Variants in KYAT1 observed in about 807,000 individuals in gnomAD.
The protein encoded by KYAT1 is kynurenine aminotransferase 1.
KYAT1 carries 47 observed loss-of-function variants against 52.4 expected under a neutral mutation model. That is an observed-to-expected ratio of 0.90 (90% CI 0.71 to 1.14). KYAT1 has a LOEUF of 1.14. Among genes scored for constraint, KYAT1 ranks in the 50% most tolerant of loss-of-function variants. KYAT1 has a pLI of 0.00. For missense variants in KYAT1, 480 were observed against 557.9 expected, an observed-to-expected ratio of 0.86 and a Z score of 1.41; for synonymous variants, 212 against 209.6, an observed-to-expected ratio of 1.01 and a Z score of -0.10.
chr9:128,851,421 T>G (rs1833942731), intron 1 of KYAT1, among the ~76,000 whole-genome samples: 1 of 152,200 alleles, frequency 6.6e-6, no homozygotes, highest in African/African-American at 2.4e-5. Flanking sequence ...TTATCTCAGC[T>G]TCATTAAAAT....
At chr9:128,846,790 G>A (rs1833173579) in intron 1 of KYAT1, 1 of 1,535,546 alleles carries the variant, frequency 6.5e-7, no homozygotes, top group East Asian at 2.4e-5. Flanking sequence ...TTCCGTTCCT[G>A]TGGGTTTGCC....
At chr9:128,836,772 G>A (rs1831200852) in intron 7 of KYAT1, 30 bp downstream of exon 7, 1 of 1,607,844 alleles carries the variant, frequency 6.2e-7, no homozygotes, top group Non-Finnish European at 8.5e-7. Context: ...CCAATGTGCA[G>A]GGGAGGGGCC....
intron 1 of KYAT1, chr9:128,847,568 G>T: frequency 6.9e-7 from 1 of 1,459,756 alleles, no homozygotes; most frequent in South Asian, 1.2e-5. Flanking sequence ...TTTTCCAGAG[G>T]CAGGGGAGAA....
At chr9:128,838,437 C>G in intron 3 of KYAT1, 70 bp from the exon 4 acceptor site, 1 of 1,585,812 alleles carries the variant, frequency 6.3e-7, no homozygotes, top group Non-Finnish European at 8.6e-7. Flanking sequence ...TGTATCCAGG[C>G]AATTCTAGCA....
chr9:128,858,799 G>A (rs1835040239), intron 1 of KYAT1, among the ~76,000 whole-genome samples: 1 of 151,890 alleles, frequency 6.6e-6, no homozygotes, highest in Non-Finnish European at 1.5e-5. Context: ...CTTGAGGTCA[G>A]GAGTTTGAGA....
rs1202210514 is a variant in KYAT1 at position 128,873,948 on chromosome 9, A to G, written c.-7+7949T>C. Among the ~76,000 whole-genome samples the G allele has an allele frequency of 2.7e-5, 4 of 145,500 alleles. No homozygotes were observed. In the East Asian group the frequency reaches 8.0e-4, roughly 29 times the overall value. On this transcript the variant is annotated intron_variant, in intron 1 of 12. Coordinates refer to ENST00000302586, the MANE Select transcript of KYAT1 (RefSeq NM_004059.5). ...GTGACAGAGCAAATCTCCGTCTCAA[A>G]AAAAAAAAAAAAAAGAATATTCTGA...
chr9:128,835,016 G>A (rs1009308796), intron 11 of KYAT1, among the ~76,000 whole-genome samples: 1 of 151,110 alleles, frequency 6.6e-6, no homozygotes, highest in Non-Finnish European at 1.5e-5. Flanking sequence ...AGTAGCCTGT[G>A]GTCCCAGCTA....
intron 1 of KYAT1, chr9:128,846,804 C>T: frequency 1.3e-6 from 2 of 1,535,546 alleles, no homozygotes; most frequent in Non-Finnish European, 1.7e-6. Context: ...GTTTGCCAGT[C>T]CCAGATGGCT....
At chr9:128,839,624 C>CA (rs1034376629) in intron 3 of KYAT1, among the ~76,000 whole-genome samples, 5 of 151,380 alleles carry the variant, frequency 3.3e-5, no homozygotes, top group African/African-American at 1.2e-4. Flanking sequence ...GACTCCGTCT[C>CA]AAAAAAAACA....
chr9:128,857,158 T>C (rs1834751098), intron 1 of KYAT1, among the ~76,000 whole-genome samples: 2 of 152,328 alleles, frequency 1.3e-5, no homozygotes, highest in South Asian at 2.1e-4. Context: ...GCATAGTACC[T>C]CCCCTTGAAC....
chr9:128,858,253 T>G (rs974810803), intron 1 of KYAT1, among the ~76,000 whole-genome samples: 8 of 148,538 alleles, frequency 5.4e-5, no homozygotes, highest in Non-Finnish European at 1.0e-4. Flanking sequence ...AAAAATTAGC[T>G]GGGCGAAGTC....
chr9:128,876,373 A>G (rs1487770312), intron 1 of KYAT1, among the ~76,000 whole-genome samples: 1 of 149,012 alleles, frequency 6.7e-6, no homozygotes, highest in East Asian at 2.0e-4. Context: ...AGCTTGGATT[A>G]TAGGCATGAG....
chr9:128,870,416 C>T (rs542522534), intron 1 of KYAT1, among the ~76,000 whole-genome samples: 1 of 152,094 alleles, frequency 6.6e-6, no homozygotes, highest in Non-Finnish European at 1.5e-5. Context: ...GGAAGGCTGA[C>T]GTGGGAGGAT....
intron 1 of KYAT1, among the ~76,000 whole-genome samples, chr9:128,881,639 T>C (rs1838925853): frequency 6.6e-6 from 1 of 152,098 alleles, no homozygotes; most frequent in African/African-American, 2.4e-5. Context: ...GTCTCGGGTA[T>C]CATCTCCACC....
chr9:128,876,253 T>TAA (rs112331357), intron 1 of KYAT1, among the ~76,000 whole-genome samples: 15 of 142,532 alleles, frequency 1.1e-4, no homozygotes, highest in African/African-American at 3.3e-4. Context: ...TCTTTGCTTT[T>TAA]AAAAAAAAAA....
intron 1 of KYAT1, among the ~76,000 whole-genome samples, chr9:128,857,823 G>A (rs569229266): frequency 6.6e-5 from 10 of 152,252 alleles, no homozygotes; most frequent in Non-Finnish European, 1.0e-4. Context: ...GCGACACAGC[G>A]AGACTCCGTC....
At chr9:128,878,456 C>A (rs1361443222) in intron 1 of KYAT1, among the ~76,000 whole-genome samples, 1 of 152,120 alleles carries the variant, frequency 6.6e-6, no homozygotes, top group Non-Finnish European at 1.5e-5. Context: ...AACATTTAAA[C>A]CTACCAGGCT....
At chr9:128,855,134 G>A (rs570456162) in intron 1 of KYAT1, among the ~76,000 whole-genome samples, 1 of 152,290 alleles carries the variant, frequency 6.6e-6, no homozygotes, top group South Asian at 2.1e-4. Flanking sequence ...ATATGTGGCT[G>A]ATACTGTGGT....
At chr9:128,857,052 C>T (rs1345063093) in intron 1 of KYAT1, among the ~76,000 whole-genome samples, 7 of 152,218 alleles carry the variant, frequency 4.6e-5, no homozygotes, top group Admixed American at 6.5e-5. Context: ...TGGCGGGAGG[C>T]GAGACATGTT....
Sources: gnomAD v4.1 joint callset for allele counts (sites outside exome capture counted in the v4.1 genomes callset) on GRCh38, gnomAD v4.1.1 for gene constraint, MANE v1.5 for transcripts, NCBI Gene and HGNC (gene_info 2026-07-23, HGNC 2026-07-21) for gene names.